CDC20B: variants seen among roughly 807,000 people sequenced by gnomAD.
CDC20B encodes cell division cycle 20B.
CDC20B carries 58 observed loss-of-function variants against 64.1 expected under a neutral mutation model. The observed-to-expected ratio is 0.90, with a 90% CI of 0.73 to 1.13. CDC20B has a LOEUF of 1.13. Among genes scored for constraint, CDC20B ranks in the 50% most tolerant of loss-of-function variants. The pLI, the probability that CDC20B is intolerant of heterozygous loss-of-function variation, is 0.00. For synonymous variants in CDC20B, 243 were observed against 230.6 expected (o/e 1.05, Z -0.49); for missense variants, 597 against 633.0 (o/e 0.94, Z 0.61).
At chr5:55,124,432 T>G (rs1190703007) in intron 9 of CDC20B, among the ~76,000 whole-genome samples, 1 of 152,148 alleles carries the variant, frequency 6.6e-6, no homozygotes, top group Non-Finnish European at 1.5e-5. Flanking sequence ...GAAGGAAGAA[T>G]GAAACCAGAG....
intron 2 of CDC20B, among the ~76,000 whole-genome samples, chr5:55,162,777 T>C (rs1458946805): frequency 1.3e-5 from 2 of 152,198 alleles, no homozygotes; most frequent in African/African-American, 4.8e-5. Context: ...AGCTCATAGG[T>C]TATTTCTCTT....
chr5:55,150,611 A>G (rs61603090), intron 2 of CDC20B, among the ~76,000 whole-genome samples: 184 of 152,276 alleles, frequency 1.2e-3, no homozygotes, highest in African/African-American at 4.2e-3. Context: ...TTGAGTAGGA[A>G]TGGGAAGGAT....
At chr5:55,142,494 T>C (rs1241983705) in intron 4 of CDC20B, among the ~76,000 whole-genome samples, 2 of 152,050 alleles carry the variant, frequency 1.3e-5, no homozygotes, top group African/African-American at 4.8e-5. Context: ...GCCACTAACC[T>C]TGCTGCCACC....
At chr5:55,127,412 C>T in intron 7 of CDC20B, 61 bp from the exon 8 acceptor site, 1 of 1,373,324 alleles carries the variant, frequency 7.3e-7, no homozygotes, top group South Asian at 1.2e-5. Flanking sequence ...ACTGTCTTCT[C>T]AAAGGCCTGA....
intron 11 of CDC20B, among the ~76,000 whole-genome samples, chr5:55,115,539 T>C (rs1284360257): frequency 1.3e-5 from 2 of 152,124 alleles, no homozygotes; most frequent in Non-Finnish European, 2.9e-5. Flanking sequence ...GATCAAAACT[T>C]TAGGCCAAAA....
intron 2 of CDC20B, among the ~76,000 whole-genome samples, chr5:55,151,665 C>T (rs945468703): frequency 2.0e-4 from 31 of 152,190 alleles, no homozygotes; most frequent in Admixed American, 1.6e-3. Context: ...TTCTGTGATT[C>T]GTCTACCGTC....
At chr5:55,119,186 T>C (rs1045410564) in intron 11 of CDC20B, among the ~76,000 whole-genome samples, 1 of 152,184 alleles carries the variant, frequency 6.6e-6, no homozygotes, top group Non-Finnish European at 1.5e-5. Context: ...ACCAGTTTTG[T>C]CTTCCTGTTT....
At chr5:55,160,330 C>CT in intron 2 of CDC20B, 1 of 1,613,688 alleles carries the variant, frequency 6.2e-7, no homozygotes, top group African/African-American at 1.3e-5. Flanking sequence ...AAATCAACAG[C>CT]TTTTATGCCT....
chr5:55,125,151 TG>T (rs1742853909), intron 8 of CDC20B, 123 bp from the exon 9 acceptor site: 4 of 679,766 alleles, frequency 5.9e-6, no homozygotes, highest in Non-Finnish European at 9.9e-6. Flanking sequence ...AAAACACAGG[TG>T]GAGATTCCTT....
intron 2 of CDC20B, among the ~76,000 whole-genome samples, chr5:55,168,356 G>T (rs1744484856): frequency 6.6e-6 from 1 of 151,922 alleles, no homozygotes; most frequent in South Asian, 2.1e-4. Flanking sequence ...AAACACCTGG[G>T]AGAAAATACT....
intron 2 of CDC20B, among the ~76,000 whole-genome samples, chr5:55,150,597 G>C (rs890302098): frequency 9.2e-5 from 14 of 152,192 alleles, no homozygotes; most frequent in Non-Finnish European, 1.8e-4. Flanking sequence ...GTAGTTCTTG[G>C]TTTTTGAGTA....
chr5:55,141,925 C>T (rs1743340797), intron 4 of CDC20B, among the ~76,000 whole-genome samples: 1 of 152,064 alleles, frequency 6.6e-6, no homozygotes, highest in Non-Finnish European at 1.5e-5. Flanking sequence ...TAGATATTGC[C>T]AAATGCCCCT....
At position 55,120,432 on chromosome 5, in the gene CDC20B, T is replaced by C. The variant is rs1742728327; in HGVS notation, c.1334A>G (p.Asn445Ser). ...CCCAGAGGAGATATTAACCTGTGAG[T>C]TTGTGCTTGGGGTCTGGATGCTCTT... is the stretch of plus-strand genomic sequence containing the variant. ...AGKSIQTPST[N>S]SQICSLIWLP... Residue 445 changes from asparagine (N) to serine (S), a missense_variant, in exon 10 of 12, where the codon AAC (asparagine) becomes AGC (serine). Asn to Ser is a conservative substitution (Grantham distance 46). Coordinates refer to ENST00000381375, the MANE Select transcript of CDC20B (RefSeq NM_001170402.1). The C allele has an allele frequency of 1.2e-6, 2 of 1,613,476 alleles. No homozygotes were observed. Among genetic ancestry groups the C allele is most frequent in the African/African-American group, 2.7e-5 (2 of 74,854 alleles).
At chr5:55,145,934 C>T (rs1743461101) in intron 3 of CDC20B, among the ~76,000 whole-genome samples, 1 of 151,976 alleles carries the variant, frequency 6.6e-6, no homozygotes, top group African/African-American at 2.4e-5. Context: ...ACTCTGTATA[C>T]CAGTAACCTT....
intron 11 of CDC20B, among the ~76,000 whole-genome samples, chr5:55,117,901 G>A (rs1313411633): frequency 6.6e-6 from 1 of 152,102 alleles, no homozygotes; most frequent in East Asian, 1.9e-4. Context: ...GATCACCTAA[G>A]GTCAGGAGTT....
chr5:55,145,413 G>A (rs1232644699), intron 3 of CDC20B, among the ~76,000 whole-genome samples: 4 of 152,150 alleles, frequency 2.6e-5, no homozygotes, highest in African/African-American at 4.8e-5. Context: ...TAATAAATAC[G>A]CTGATAGTCA....
At chr5:55,157,385 C>T (rs1743844924) in intron 2 of CDC20B, among the ~76,000 whole-genome samples, 1 of 152,146 alleles carries the variant, frequency 6.6e-6, no homozygotes, top group African/African-American at 2.4e-5. Context: ...TGTGTTCATC[C>T]AATGCTGTCC....
chr5:55,172,729 C>G, intron 1 of CDC20B, 79 bp from the exon 2 acceptor site: 1 of 826,186 alleles, frequency 1.2e-6, no homozygotes, highest in South Asian at 1.6e-5. Flanking sequence ...TTTTCTAGAT[C>G]TTGTGCTTGT....
At chr5:55,163,377 A>G (rs1213361015) in intron 2 of CDC20B, among the ~76,000 whole-genome samples, 3 of 152,092 alleles carry the variant, frequency 2.0e-5, no homozygotes, top group East Asian at 3.9e-4. Context: ...TTGCTTTTCA[A>G]AATAAGGTGA....
Sources: gnomAD v4.1 joint callset for allele counts (sites outside exome capture counted in the v4.1 genomes callset) on GRCh38, gnomAD v4.1.1 for gene constraint, MANE v1.5 for transcripts, NCBI Gene and HGNC (gene_info 2026-07-23, HGNC 2026-07-21) for gene names.